Variants in CNTN4 observed in about 807,000 individuals in gnomAD.
CNTN4 encodes contactin-4.
CNTN4 carries 77 observed loss-of-function variants against 122.5 expected under a neutral mutation model. That is an observed-to-expected ratio of 0.63 (90% confidence interval 0.52 to 0.76). CNTN4 has a LOEUF of 0.76. Ranked by LOEUF, CNTN4 falls within the 30% of genes least tolerant of loss-of-function variation. The probability of loss-of-function intolerance (pLI) is 0.00; values close to 1 mark genes in which losing one functional copy is unlikely to be tolerated. For missense variants in CNTN4, 1,256 were observed against 1,259.1 expected, an observed-to-expected ratio of 1.00 and a Z score of 0.04; for synonymous variants, 512 against 447.0, an observed-to-expected ratio of 1.15 and a Z score of -1.83.
At chr3:2,481,928 C>T (rs1392365313) in intron 3 of CNTN4, among the ~76,000 whole-genome samples, 10 of 152,118 alleles carry the variant, frequency 6.6e-5, no homozygotes, top group African/African-American at 2.4e-4. Context: ...AACTGTGAGT[C>T]AATTAAACTT....
At chr3:2,867,795 C>T (rs747447053) in intron 8 of CNTN4, among the ~76,000 whole-genome samples, 3 of 152,004 alleles carry the variant, frequency 2.0e-5, no homozygotes, top group Admixed American at 6.6e-5. Context: ...CCCAAAAGAT[C>T]TCATAATTCT....
intron 10 of CNTN4, among the ~76,000 whole-genome samples, chr3:2,893,089 T>G (rs1237424239): frequency 6.6e-6 from 1 of 152,172 alleles, no homozygotes; most frequent in Non-Finnish European, 1.5e-5. Context: ...ACAACTGACT[T>G]TTTCACTTTC....
intron 20 of CNTN4, 195 bp downstream of exon 20, chr3:3,040,466 T>C (rs768315152): frequency 4.9e-6 from 3 of 614,184 alleles, no homozygotes; most frequent in Middle Eastern, 4.4e-4. Flanking sequence ...GCTCTGTATA[T>C]GAAAACACTT....
intron 3 of CNTN4, among the ~76,000 whole-genome samples, chr3:2,517,171 C>T (rs1159895510): frequency 1.3e-5 from 2 of 152,116 alleles, no homozygotes; most frequent in African/African-American, 4.8e-5. Context: ...TTGGATTTGA[C>T]TGTACTGGCT....
At chr3:2,413,610 C>T (rs1248399183) in intron 3 of CNTN4, among the ~76,000 whole-genome samples, 1 of 151,500 alleles carries the variant, frequency 6.6e-6, no homozygotes, top group Non-Finnish European at 1.5e-5. Flanking sequence ...GTGGCGTGAT[C>T]TCGGCTCACT....
At chr3:2,608,115 G>C (rs1045963975) in intron 4 of CNTN4, among the ~76,000 whole-genome samples, 3 of 152,126 alleles carry the variant, frequency 2.0e-5, no homozygotes, top group African/African-American at 7.2e-5. Context: ...GAAATAAATT[G>C]AATGTAGTGA....
chr3:2,844,305 T>C (rs1434269217), intron 7 of CNTN4, among the ~76,000 whole-genome samples: 1 of 152,260 alleles, frequency 6.6e-6, no homozygotes, highest in African/African-American at 2.4e-5. Flanking sequence ...ATTATATTTA[T>C]TGCAGATTTG....
At chr3:2,322,978 G>A (rs1446873484) in intron 2 of CNTN4, among the ~76,000 whole-genome samples, 1 of 152,048 alleles carries the variant, frequency 6.6e-6, no homozygotes, top group East Asian at 1.9e-4. Context: ...TCACTTTCCT[G>A]GGGGCTCTAG....
intron 2 of CNTN4, among the ~76,000 whole-genome samples, chr3:2,298,488 A>G (rs551750826): frequency 6.6e-6 from 1 of 152,152 alleles, no homozygotes; most frequent in Non-Finnish European, 1.5e-5. Context: ...CTTGAAAAAA[A>G]TGGAATTTGA....
At chr3:2,945,124 G>T (rs1341685140) in intron 13 of CNTN4, among the ~76,000 whole-genome samples, 4 of 152,170 alleles carry the variant, frequency 2.6e-5, no homozygotes, top group Non-Finnish European at 4.4e-5. Flanking sequence ...GTTTTTGGAG[G>T]TAGAATGCTT....
intron 3 of CNTN4, among the ~76,000 whole-genome samples, chr3:2,531,066 T>G (rs1275680299): frequency 6.6e-6 from 1 of 152,128 alleles, no homozygotes; most frequent in East Asian, 1.9e-4. Flanking sequence ...CATCCAAAAA[T>G]GAATGCTAAG....
Position 2,692,843 on chromosome 3 carries a change from A to T in CNTN4, c.56-43372A>T, listed in dbSNP as rs537164187. The stretch of plus-strand genomic sequence containing the variant: ...ATTTTTATTTTAGCATTTCTTTACC[A>T]TAAGGTTAGAGTAACTTTTTAAAAA... On this transcript the variant is annotated intron_variant, in intron 4 of 24. Transcript: ENST00000418658. Among the ~76,000 whole-genome samples, 4 of 152,270 alleles carry T rather than the reference A, an allele frequency of 2.6e-5. No homozygotes were observed. In the East Asian group the frequency reaches 7.7e-4, roughly 29 times the overall value.
chr3:2,693,862 T>C (rs2085872395), intron 4 of CNTN4, among the ~76,000 whole-genome samples: 1 of 152,144 alleles, frequency 6.6e-6, no homozygotes, highest in Non-Finnish European at 1.5e-5. Context: ...GCCTTCCACC[T>C]TCCGAGTTGC....
intron 3 of CNTN4, among the ~76,000 whole-genome samples, chr3:2,424,845 T>C (rs943482625): frequency 4.6e-5 from 7 of 152,240 alleles, no homozygotes; most frequent in African/African-American, 1.7e-4. Context: ...CATGTGTCTG[T>C]TGGCTGCATA....
At chr3:2,574,953 A>AT (rs1405172243) in intron 4 of CNTN4, among the ~76,000 whole-genome samples, 1 of 152,138 alleles carries the variant, frequency 6.6e-6, no homozygotes, top group African/African-American at 2.4e-5. Flanking sequence ...AAGCAAACCA[A>AT]AATGGTCTGC....
At chr3:2,815,719 A>C (rs747159314) in intron 6 of CNTN4, among the ~76,000 whole-genome samples, 12 of 152,132 alleles carry the variant, frequency 7.9e-5, no homozygotes, top group Non-Finnish European at 1.8e-4. Flanking sequence ...TTGATCCAGC[A>C]ATCTCACTAC....
At chr3:2,835,291 T>G (rs2093201708) in intron 7 of CNTN4, among the ~76,000 whole-genome samples, 1 of 152,052 alleles carries the variant, frequency 6.6e-6, no homozygotes, top group Non-Finnish European at 1.5e-5. Flanking sequence ...AAACATAGAG[T>G]CATAGTATAT....
At chr3:2,863,444 CTTTTTTTTTT>C (rs5846228) in intron 7 of CNTN4, among the ~76,000 whole-genome samples, 4 of 92,368 alleles carry the variant, frequency 4.3e-5, no homozygotes, top group Non-Finnish European at 8.3e-5. Context: ...ATGGTTTCTT[CTTTTTTTTTT>C]TTTTTTTTTT....
chr3:2,265,235 A>G (rs745313139), intron 2 of CNTN4, among the ~76,000 whole-genome samples: 2 of 152,086 alleles, frequency 1.3e-5, no homozygotes, highest in Non-Finnish European at 2.9e-5. Flanking sequence ...TGTATGTAAC[A>G]TATTTTCTTT....
Sources: allele counts gnomAD v4.1 joint callset (sites outside exome capture counted in the v4.1 genomes callset), GRCh38; gene constraint gnomAD v4.1.1; transcripts MANE v1.5; gene names NCBI Gene and HGNC (gene_info 2026-07-23, HGNC 2026-07-21).